The following CAMK2B variants were observed in gnomAD, a reference collection of about 807,000 sequenced individuals.
The protein encoded by CAMK2B is calcium/calmodulin dependent protein kinase II beta, also known as calcium/calmodulin-dependent protein kinase type II subunit beta.
Under a neutral mutation model 93.7 loss-of-function variants are expected in CAMK2B, and 27 were observed. That is an observed-to-expected ratio of 0.29 (90% CI 0.21 to 0.40). CAMK2B has a LOEUF of 0.40. Ranked by LOEUF, CAMK2B falls within the 10% of genes least tolerant of loss-of-function variation. The pLI is 1.00. For missense variants in CAMK2B, 568 were observed against 895.8 expected (o/e 0.63, Z 4.67); for synonymous variants, 374 against 358.8 (o/e 1.04, Z -0.48).
intron 2 of CAMK2B, among the ~76,000 whole-genome samples, chr7:44,270,049 A>G (rs10252459): frequency 0.22 from 33,453 of 151,882 alleles, 3,903 homozygotes; most frequent in Non-Finnish European, 0.27. Context: ...CACGGGCCTG[A>G]CACAGGGTGG....
chr7:44,319,087 T>G (rs1055774072), intron 1 of CAMK2B, among the ~76,000 whole-genome samples: 4 of 152,256 alleles, frequency 2.6e-5, no homozygotes, highest in African/African-American at 7.2e-5. Flanking sequence ...TGATACATAA[T>G]GCATTTTTAT....
chr7:44,294,595 C>T (rs1787775415), intron 1 of CAMK2B, among the ~76,000 whole-genome samples: 1 of 152,214 alleles, frequency 6.6e-6, no homozygotes, highest in East Asian at 1.9e-4. Context: ...TATGAGTCAA[C>T]AGGCTACCTC....
At chr7:44,300,262 C>A (rs773117206) in intron 1 of CAMK2B, among the ~76,000 whole-genome samples, 1 of 151,984 alleles carries the variant, frequency 6.6e-6, no homozygotes, top group Admixed American at 6.6e-5. Context: ...TCTCAAACTC[C>A]TAGATTCAAG....
At chr7:44,293,723 C>T (rs1022855849) in intron 1 of CAMK2B, among the ~76,000 whole-genome samples, 3 of 152,196 alleles carry the variant, frequency 2.0e-5, no homozygotes, top group East Asian at 1.9e-4. Context: ...CTGACACCTC[C>T]GCTGATCTGA....
chr7:44,310,116 C>T (rs941211746), intron 1 of CAMK2B, among the ~76,000 whole-genome samples: 4 of 152,238 alleles, frequency 2.6e-5, no homozygotes, highest in African/African-American at 7.2e-5. Flanking sequence ...GCTTTGTGCC[C>T]GCTTGCTGCT....
chr7:44,266,421 T>C (rs1407352606), intron 2 of CAMK2B, among the ~76,000 whole-genome samples: 10 of 152,230 alleles, frequency 6.6e-5, no homozygotes, highest in African/African-American at 2.4e-4. Flanking sequence ...GTAAGTTAAA[T>C]TGAACCCAAT....
intron 1 of CAMK2B, among the ~76,000 whole-genome samples, chr7:44,323,047 C>A (rs1158680707): frequency 6.6e-6 from 1 of 152,360 alleles, no homozygotes; most frequent in East Asian, 1.9e-4. Flanking sequence ...CCTCAGACAT[C>A]CCCCTTAGGT....
intron 11 of CAMK2B, among the ~76,000 whole-genome samples, chr7:44,241,415 C>T (rs1045421723): frequency 3.3e-5 from 5 of 152,332 alleles, no homozygotes; most frequent in South Asian, 2.1e-4. Context: ...CTGCAGAGCC[C>T]GGGTGAGGAG....
At chr7:44,254,668 C>T in intron 4 of CAMK2B, 61 bp from the exon 5 acceptor site, 2 of 1,102,432 alleles carry the variant, frequency 1.8e-6, no homozygotes, top group Non-Finnish European at 2.8e-6. Flanking sequence ...TGCACTGTCA[C>T]CTCCATTACT....
At chr7:44,243,192 G>A in intron 8 of CAMK2B, 58 bp downstream of exon 8, 1 of 1,296,452 alleles carries the variant, frequency 7.7e-7, no homozygotes, top group Non-Finnish European at 1.1e-6. Context: ...CAGGATGTAG[G>A]TGGGAAGTCC....
At chr7:44,220,935 G>A (rs373371104) in intron 20 of CAMK2B, 34 bp from the exon 21 acceptor site, 173 of 1,527,728 alleles carry the variant, frequency 1.1e-4, no homozygotes, top group African/African-American at 2.7e-4. Context: ...ACCACTGGGC[G>A]CTGGCCCATT....
At chr7:44,240,490 C>G (rs555399281) in intron 12 of CAMK2B, among the ~76,000 whole-genome samples, 1 of 152,220 alleles carries the variant, frequency 6.6e-6, no homozygotes, top group African/African-American at 2.4e-5. Context: ...AGACCCAGCA[C>G]GAAGGTGATG....
At chr7:44,262,184 C>T (rs1392098097) in intron 3 of CAMK2B, among the ~76,000 whole-genome samples, 1 of 152,244 alleles carries the variant, frequency 6.6e-6, no homozygotes, top group African/African-American at 2.4e-5. Flanking sequence ...AAACAGGCTC[C>T]CGGTCCCCAG....
At chr7:44,260,645 G>A (rs948207502) in intron 3 of CAMK2B, among the ~76,000 whole-genome samples, 2 of 152,192 alleles carry the variant, frequency 1.3e-5, no homozygotes, top group East Asian at 1.9e-4. Flanking sequence ...CTGAGACAGT[G>A]AGCACTAGGT....
At chr7:44,272,786 T>C (rs975959803) in intron 2 of CAMK2B, among the ~76,000 whole-genome samples, 2 of 152,218 alleles carry the variant, frequency 1.3e-5, no homozygotes, top group Non-Finnish European at 2.9e-5. Flanking sequence ...CCACAGCATC[T>C]TCCCTCCATG....
rs1481774589 is a variant in CAMK2B at position 44,286,170 on chromosome 7, T to C, written c.66-1945A>G. Among the ~76,000 whole-genome samples the C allele has an allele frequency of 6.6e-6, 1 of 152,034 alleles. No individual in the cohort carries two copies. Among genetic ancestry groups the C allele is most frequent in the African/African-American group, 2.4e-5 (1 of 41,364 alleles). Reference sequence around the variant, plus strand: ...GAGCAGAAGAGCCTTCCGGGGCCACTGTGTGGCTGTTTGCCGGACTTCTTG... The same window carrying C: ...GAGCAGAAGAGCCTTCCGGGGCCACCGTGTGGCTGTTTGCCGGACTTCTTG... On this transcript the variant is annotated intron_variant, in intron 1 of 23. Transcript: ENST00000395749. This position sits in a 1 kb window ranked among gnomAD's most constrained non-coding sequence, Gnocchi z 4.0.
At chr7:44,239,499 G>T in intron 13 of CAMK2B, 90 bp downstream of exon 13, 1 of 1,264,190 alleles carries the variant, frequency 7.9e-7, no homozygotes, top group Non-Finnish European at 1.1e-6. Context: ...CGGCTCTGGA[G>T]CCCGGCCAGC....
rs543958646 is a variant in CAMK2B at position 44,222,373 on chromosome 7, G to A, written c.1598-1472C>T. Among the ~76,000 whole-genome samples the A allele has an allele frequency of 1.8e-4, 27 of 152,232 alleles. No homozygotes were observed. The East Asian group carries it at 3.1e-3, about 17-fold the overall frequency. Reference sequence around the variant, plus strand: ...TGTGGTGACGTTTCCACTCTTTGCTGTGAGTGCTGCCTCCAACGGCCACAT... The same window carrying A: ...TGTGGTGACGTTTCCACTCTTTGCTATGAGTGCTGCCTCCAACGGCCACAT... On this transcript the variant is annotated intron_variant, in intron 20 of 23. Coordinates refer to ENST00000395749, the MANE Select transcript of CAMK2B (RefSeq NM_001220.5).
intron 1 of CAMK2B, among the ~76,000 whole-genome samples, chr7:44,285,818 GAGGC>G (rs1784894535): frequency 8.0e-6 from 1 of 124,664 alleles, no homozygotes; most frequent in Admixed American, 7.8e-5. Context: ...CGGCGGGGGG[GAGGC>G]GCGGCGGAGG....
Sources: gnomAD v4.1 joint callset for allele counts (sites outside exome capture counted in the v4.1 genomes callset) on GRCh38, gnomAD v4.1.1 for gene constraint, Gnocchi (gnomAD v3.1) non-coding constraint, MANE v1.5 for transcripts, NCBI Gene and HGNC (gene_info 2026-07-23, HGNC 2026-07-21) for gene names.